DIS3L2: variants seen among roughly 807,000 people sequenced by gnomAD.
The protein encoded by DIS3L2 is DIS3-like exonuclease 2.
A neutral mutation model predicts 97.5 loss-of-function variants in DIS3L2; 34 were observed. That is an observed-to-expected ratio of 0.35 (90% CI 0.27 to 0.46). The LOEUF (loss-of-function observed/expected upper bound fraction) is 0.46. Ranked by LOEUF, DIS3L2 falls within the 20% of genes least tolerant of loss-of-function variation. The pLI, the probability that DIS3L2 is intolerant of heterozygous loss-of-function variation, is 1.00. For synonymous variants in DIS3L2, 435 were observed against 445.2 expected (o/e 0.98, Z 0.29); for missense variants, 1,038 against 1,146.0 (o/e 0.91, Z 1.36).
chr2:232,139,263 A>G (rs1327099636), intron 8 of DIS3L2, among the ~76,000 whole-genome samples: 2 of 152,198 alleles, frequency 1.3e-5, no homozygotes, highest in Non-Finnish European at 2.9e-5. Context: ...CCCAGCCACC[A>G]CACAGTATCT....
At position 232,334,508 on chromosome 2, in the gene DIS3L2, T is replaced by TCACCTTGACCTTGA. The variant is rs1695877931; in HGVS notation, c.2289+10_2289+11insACCTTGACCTTGAC. Reference sequence around the variant, plus strand: ...TTGCTGTTCTGGTCAAGGTGAGCCCTCCAGCCTGGTGCCCCTCACCTCCCT... The same window carrying TCACCTTGACCTTGA: ...TTGCTGTTCTGGTCAAGGTGAGCCCTCACCTTGACCTTGACCAGCCTGGTGCCCCTCACCTCCCT... On this transcript the variant is annotated intron_variant, in intron 18 of 20. Transcript: ENST00000325385. 6.2e-7 allele frequency: 1 copy of TCACCTTGACCTTGA among 1,613,362 alleles called. No homozygotes were observed. Among genetic ancestry groups the TCACCTTGACCTTGA allele is most frequent in the African/African-American group, 1.3e-5 (1 of 74,914 alleles).
intron 11 of DIS3L2, among the ~76,000 whole-genome samples, chr2:232,243,716 A>G (rs1052349541): frequency 2.0e-5 from 3 of 152,222 alleles, no homozygotes; most frequent in African/African-American, 4.8e-5. Context: ...GGCAATGCAT[A>G]TCACACAAGA....
chr2:232,185,600 C>A (rs1008490213), intron 9 of DIS3L2, among the ~76,000 whole-genome samples: 1 of 152,108 alleles, frequency 6.6e-6, no homozygotes, highest in African/African-American at 2.4e-5. Flanking sequence ...TTTGGAAGGC[C>A]TAGGCGGGTG....
At position 232,129,504 on chromosome 2, in the gene DIS3L2, G is replaced by A. The variant is rs139713464; in HGVS notation, c.602-1115G>A. Among the ~76,000 whole-genome samples the A allele has an allele frequency of 4.0e-4, 61 of 152,326 alleles. 1 individual carries two copies. Among genetic ancestry groups the A allele is most frequent in the African/African-American group, 1.4e-3 (59 of 41,578 alleles). ...AGAGAGGGCAATCTACGATAGGAAA[G>A]TTTGTGTTTGCTTTTACTTTTTGGA... On this transcript the variant is annotated intron_variant, in intron 6 of 20. Transcript: ENST00000325385.
chr2:232,267,601 T>A (rs1391982165), intron 13 of DIS3L2, among the ~76,000 whole-genome samples: 2 of 152,246 alleles, frequency 1.3e-5, no homozygotes, highest in Admixed American at 1.3e-4. Context: ...CAGACTTTTT[T>A]ATGTTTGTAG....
At chr2:232,312,466 A>G (rs1466652971) in intron 14 of DIS3L2, among the ~76,000 whole-genome samples, 1 of 152,186 alleles carries the variant, frequency 6.6e-6, no homozygotes, top group East Asian at 1.9e-4. Flanking sequence ...TTATATATCT[A>G]TTCTTGTACC....
intron 9 of DIS3L2, among the ~76,000 whole-genome samples, chr2:232,189,204 C>T (rs570849608): frequency 2.6e-5 from 4 of 152,278 alleles, no homozygotes; most frequent in African/African-American, 7.2e-5. Flanking sequence ...AAACACAACC[C>T]GGTAATTGCA....
intron 13 of DIS3L2, among the ~76,000 whole-genome samples, chr2:232,264,194 C>G (rs1009310783): frequency 2.0e-5 from 3 of 152,224 alleles, no homozygotes; most frequent in African/African-American, 7.2e-5. Flanking sequence ...ACTGACCTGA[C>G]AGGAGGCAGA....
intron 14 of DIS3L2, among the ~76,000 whole-genome samples, chr2:232,315,685 C>A (rs1157023654): frequency 5.9e-5 from 9 of 152,170 alleles, no homozygotes; most frequent in African/African-American, 1.9e-4. Flanking sequence ...TGAAGAAGAA[C>A]ATGTTTGCTG....
chr2:232,134,871 G>GCA (rs141691233), intron 7 of DIS3L2, among the ~76,000 whole-genome samples: 13 of 149,754 alleles, frequency 8.7e-5, no homozygotes, highest in East Asian at 5.9e-4. Context: ...TTGTGTGTGC[G>GCA]CACACACACA....
At chr2:232,204,569 G>C (rs576724149) in intron 9 of DIS3L2, among the ~76,000 whole-genome samples, 3 of 151,990 alleles carry the variant, frequency 2.0e-5, no homozygotes, top group Non-Finnish European at 2.9e-5. Flanking sequence ...TCCCCCACCT[G>C]GCACTGTATT....
chr2:232,159,561 T>C lies in DIS3L2; in HGVS notation c.951-3898T>C, dbSNP rs143002820. Among the ~76,000 whole-genome samples the C allele has an allele frequency of 2.8e-3, 421 of 152,320 alleles. 1 individual carries two copies. The highest frequency in any genetic ancestry group is 4.1e-3 in the Non-Finnish European group (280 of 68,014). On this transcript the variant is annotated intron_variant, in intron 8 of 20. Transcript: ENST00000325385. ...CTTCCATGACGGGAATTGTAGTCCTTTGTCCTGCTTATAGGCAACGTGCAA... is the reference window on the plus strand; with the variant it reads ...CTTCCATGACGGGAATTGTAGTCCTCTGTCCTGCTTATAGGCAACGTGCAA...
rs189737039 is a variant in DIS3L2, at chr2:232,107,656, G to A, written c.601+19935G>A. 3.4e-4 allele frequency among the ~76,000 whole-genome samples: 52 copies of A among 152,186 alleles called. 1 individual carries two copies. The highest frequency in any genetic ancestry group is 1.1e-3 in the African/African-American group (44 of 41,510). On this transcript the variant is annotated intron_variant, in intron 6 of 20. Coordinates refer to ENST00000325385, the MANE Select transcript of DIS3L2 (RefSeq NM_152383.5). Reference sequence around the variant, plus strand: ...GTAGGATACAGTGAGCCGAGGTCTCGCCACTGCACTCCAGCCTGGGCAGGC... The same window carrying A: ...GTAGGATACAGTGAGCCGAGGTCTCACCACTGCACTCCAGCCTGGGCAGGC...
chr2:232,101,164 A>G (rs1697193548), intron 6 of DIS3L2, among the ~76,000 whole-genome samples: 1 of 151,750 alleles, frequency 6.6e-6, no homozygotes, highest in Admixed American at 6.6e-5. Flanking sequence ...CCCGGGAGGC[A>G]GAGGTTGCAG....
At position 232,337,139 on chromosome 2, in the gene DIS3L2, A is replaced by C; in HGVS notation, c.*509A>C. 9.9e-7 allele frequency: 1 copy of C among 1,010,094 alleles called. No individual in the cohort carries two copies. Among genetic ancestry groups the C allele is most frequent in the Non-Finnish European group, 1.2e-6 (1 of 847,266 alleles). The allele number at this position is 1,010,094 out of a possible 1,614,324, so 62.6% of individuals were successfully genotyped here. On this transcript the variant is annotated 3_prime_UTR_variant, in exon 21 of 21. Coordinates refer to ENST00000325385, the MANE Select transcript of DIS3L2 (RefSeq NM_152383.5). ...CGATTCAGAGCTGGCTGCCTGGCAG[A>C]TGATTGATACTGGAGTCTCATTCTG...
chr2:232,263,583 G>A (rs191077904), intron 13 of DIS3L2, 143 bp downstream of exon 13: 14 of 762,438 alleles, frequency 1.8e-5, no homozygotes, highest in Admixed American at 7.4e-5. Context: ...CTCTGAGGCC[G>A]GCAGGAACTA....
intron 14 of DIS3L2, among the ~76,000 whole-genome samples, chr2:232,312,859 G>T (rs1467439219): frequency 6.6e-6 from 1 of 152,080 alleles, no homozygotes; most frequent in African/African-American, 2.4e-5. Flanking sequence ...AATGGTATTT[G>T]TAAATTTAAT....
At chr2:232,195,805 A>G (rs1691736563) in intron 9 of DIS3L2, among the ~76,000 whole-genome samples, 1 of 152,134 alleles carries the variant, frequency 6.6e-6, no homozygotes, top group Non-Finnish European at 1.5e-5. Context: ...GGAGCAATTG[A>G]GAGGTGGGGA....
At chr2:232,068,396 A>T (rs1310821012) in intron 5 of DIS3L2, among the ~76,000 whole-genome samples, 2 of 126,188 alleles carry the variant, frequency 1.6e-5, no homozygotes, top group Non-Finnish European at 3.3e-5. Flanking sequence ...GCAAAGTGAG[A>T]CCCTATTGCT....
Sources: allele counts gnomAD v4.1 joint callset (sites outside exome capture counted in the v4.1 genomes callset), GRCh38; gene constraint gnomAD v4.1.1; transcripts MANE v1.5; gene names NCBI Gene and HGNC (gene_info 2026-07-23, HGNC 2026-07-21).